NUMB: variants seen among roughly 807,000 people sequenced by gnomAD.
NUMB encodes the protein protein numb homolog.
In NUMB, 29 loss-of-function variants were observed where a neutral mutation model predicts 59.7. That is an observed-to-expected ratio of 0.49 (90% confidence interval 0.36 to 0.66). The LOEUF (loss-of-function observed/expected upper bound fraction) is 0.66. NUMB is among the 30% of genes least tolerant of loss of function. The probability of loss-of-function intolerance (pLI) is 0.00; values close to 1 mark genes in which losing one functional copy is unlikely to be tolerated. For synonymous variants in NUMB, 288 were observed against 288.2 expected, an observed-to-expected ratio of 1.00 and a Z score of 0.01; for missense variants, 723 against 822.0, an observed-to-expected ratio of 0.88 and a Z score of 1.47.
chr14:73,438,310 A>G (rs1352435915), intron 1 of NUMB, among the ~76,000 whole-genome samples: 1 of 152,198 alleles, frequency 6.6e-6, no homozygotes, highest in Non-Finnish European at 1.5e-5. Flanking sequence ...TAATATATCC[A>G]TTAGTGGAAT....
rs570847511 is a variant in NUMB at position 73,446,312 on chromosome 14, A to T, written c.-233+12181T>A. ...ATCACCAGACTTGCAAAATAACTTTAAAAAAAAATCCTAAACTGGGCGCGG... is the reference window on the plus strand; with the variant it reads ...ATCACCAGACTTGCAAAATAACTTTTAAAAAAAATCCTAAACTGGGCGCGG... On this transcript the variant is annotated intron_variant, in intron 1 of 12. Coordinates refer to ENST00000555238, the MANE Select transcript of NUMB (RefSeq NM_001005743.2). Among the ~76,000 whole-genome samples, 16 of 151,366 alleles carry T rather than the reference A, an allele frequency of 1.1e-4. 1 individual carries two copies. The South Asian group carries it at 2.3e-3, about 22-fold the overall frequency.
intron 6 of NUMB, among the ~76,000 whole-genome samples, chr14:73,302,632 G>C (rs999145857): frequency 1.4e-4 from 21 of 151,762 alleles, no homozygotes; most frequent in Non-Finnish European, 2.5e-4. Flanking sequence ...GGCTGGTCTC[G>C]AACTCCTGAC....
chr14:73,313,496 C>T (rs1890893139), intron 6 of NUMB, among the ~76,000 whole-genome samples: 2 of 150,074 alleles, frequency 1.3e-5, no homozygotes, highest in South Asian at 2.1e-4. Context: ...TTTAATTATA[C>T]AATAATTATA....
chr14:73,294,371 A>C (rs1889616969), intron 7 of NUMB, among the ~76,000 whole-genome samples: 2 of 152,120 alleles, frequency 1.3e-5, no homozygotes, highest in South Asian at 4.2e-4. Context: ...ATACGTAGGT[A>C]ATCAAATATC....
chr14:73,414,602 T>C (rs1022953960), intron 1 of NUMB, among the ~76,000 whole-genome samples: 1 of 151,974 alleles, frequency 6.6e-6, no homozygotes, highest in Non-Finnish European at 1.5e-5. Context: ...CCCAGGCTAG[T>C]CTTGAACTCC....
intron 1 of NUMB, among the ~76,000 whole-genome samples, chr14:73,426,891 A>G (rs939592036): frequency 2.0e-5 from 3 of 151,830 alleles, no homozygotes; most frequent in Admixed American, 6.6e-5. Context: ...GCACATGCCT[A>G]TAAGTCCCAG....
chr14:73,456,427 G>T (rs187499415), intron 1 of NUMB, among the ~76,000 whole-genome samples: 1 of 152,262 alleles, frequency 6.6e-6, no homozygotes, highest in Non-Finnish European at 1.5e-5. Flanking sequence ...TTTTTTAACT[G>T]TAAGAAATAT....
chr14:73,446,236 A>G (rs1883495652), intron 1 of NUMB, among the ~76,000 whole-genome samples: 2 of 151,844 alleles, frequency 1.3e-5, no homozygotes. Flanking sequence ...ACCTCAAGTG[A>G]TCCTTCTGCC....
At chr14:73,427,600 G>C (rs1048281858) in intron 1 of NUMB, among the ~76,000 whole-genome samples, 35 of 151,990 alleles carry the variant, frequency 2.3e-4, no homozygotes, top group African/African-American at 8.5e-4. Context: ...GGGTCTAGAG[G>C]CAATCAAAAC....
rs1167242687 is a variant in NUMB, at chr14:73,323,145, T to C, written c.186A>G (p.Val62=). 6.2e-7 allele frequency: 1 copy of C among 1,612,614 alleles called. No individual in the cohort carries two copies. The highest frequency in any genetic ancestry group is 8.5e-7 in the Non-Finnish European group (1 of 1,178,776). The change falls in exon 5 of 13, where the codon GTA becomes GTG. Residue 62 remains valine, a synonymous_variant. Coordinates refer to ENST00000555238, the MANE Select transcript of NUMB (RefSeq NM_001005743.2). ...AAATACATACAGCTTTCAATCTTTT[T>C]ACAGCATCTTCACAGATGTGCATTC... The part of the protein sequence containing the change: ...SRGMHICEDA[V]KRLKAERKFF...
chr14:73,454,054 G>A (rs1884178268), intron 1 of NUMB, among the ~76,000 whole-genome samples: 1 of 150,258 alleles, frequency 6.7e-6, no homozygotes, highest in African/African-American at 2.5e-5. Flanking sequence ...ATGAGGGAGG[G>A]AAAAAGTTGG....
chr14:73,412,679 G>A (rs889324921), intron 1 of NUMB, among the ~76,000 whole-genome samples: 2 of 151,160 alleles, frequency 1.3e-5, no homozygotes, highest in South Asian at 4.2e-4. Flanking sequence ...CTGTTGCCTG[G>A]AGAGCCGTGA....
At chr14:73,344,579 C>T (rs1310063834) in intron 4 of NUMB, among the ~76,000 whole-genome samples, 1 of 152,152 alleles carries the variant, frequency 6.6e-6, no homozygotes, top group Non-Finnish European at 1.5e-5. Flanking sequence ...TCTGGTCTAT[C>T]CTATTTATAC....
intron 1 of NUMB, among the ~76,000 whole-genome samples, chr14:73,444,490 A>G (rs1257328297): frequency 6.6e-6 from 1 of 152,172 alleles, no homozygotes; most frequent in African/African-American, 2.4e-5. Flanking sequence ...AATAATCAAA[A>G]CACAACCAAA....
At chr14:73,389,974 A>G (rs1026222402) in intron 2 of NUMB, among the ~76,000 whole-genome samples, 2 of 152,228 alleles carry the variant, frequency 1.3e-5, no homozygotes, top group East Asian at 1.9e-4. Context: ...AAAAAACATT[A>G]TAACATAACC....
chr14:73,319,103 G>A lies in NUMB; in HGVS notation c.202-2681C>T, dbSNP rs995976028. ...AGCCTGGCCAACATGGTGAAACCCC[G>A]TCTCATACAATTAGCTGAGTGTGGT... On this transcript the variant is annotated intron_variant, in intron 5 of 12. Coordinates refer to ENST00000555238, the MANE Select transcript of NUMB (RefSeq NM_001005743.2). 3.0e-4 allele frequency among the ~76,000 whole-genome samples: 45 copies of A among 152,034 alleles called. 1 individual carries two copies. Among genetic ancestry groups the A allele is most frequent in the African/African-American group, 8.2e-4 (34 of 41,500 alleles).
intron 1 of NUMB, among the ~76,000 whole-genome samples, chr14:73,443,637 T>C (rs1883244976): frequency 1.3e-5 from 2 of 151,346 alleles, no homozygotes; most frequent in South Asian, 4.2e-4. Flanking sequence ...CTGAGAGGAT[T>C]GATCGATTGA....
Position 73,450,275 on chromosome 14 carries a change from T to A in NUMB, c.-233+8218A>T, listed in dbSNP as rs1883831776. Among the ~76,000 whole-genome samples the A allele has an allele frequency of 2.0e-5, 3 of 152,244 alleles. No individual in the cohort carries two copies. The South Asian group carries it at 6.2e-4, about 31-fold the overall frequency. ...GAAACTGAATCTAAAAGAAGTTTAA[T>A]AAACTGCTCAATTAGTAAATTAACG... On this transcript the variant is annotated intron_variant, in intron 1 of 12. Transcript: ENST00000555238.
intron 2 of NUMB, among the ~76,000 whole-genome samples, chr14:73,386,183 T>A (rs905259906): frequency 6.6e-6 from 1 of 152,186 alleles, no homozygotes; most frequent in South Asian, 2.1e-4. Flanking sequence ...GACTACAGCA[T>A]GCTATGATGG....
Sources: gnomAD v4.1 joint callset for allele counts (sites outside exome capture counted in the v4.1 genomes callset) on GRCh38, gnomAD v4.1.1 for gene constraint, MANE v1.5 for transcripts, NCBI Gene and HGNC (gene_info 2026-07-23, HGNC 2026-07-21) for gene names.